Variants in NYAP2 observed in about 807,000 individuals in gnomAD.
The protein encoded by NYAP2 is neuronal tyrosine-phosphorylated phosphoinositide-3-kinase adapter 2.
Under a neutral mutation model 50.4 loss-of-function variants are expected in NYAP2, and 23 were observed. That is an observed-to-expected ratio of 0.46 (90% CI 0.33 to 0.65). The LOEUF is 0.65. Among genes scored for constraint, NYAP2 ranks in the 30% least tolerant of loss-of-function variants. NYAP2 has a pLI of 0.02. For missense variants in NYAP2, 885 were observed against 861.0 expected, an observed-to-expected ratio of 1.03 and a Z score of -0.35; for synonymous variants, 394 against 365.2, an observed-to-expected ratio of 1.08 and a Z score of -0.90.
At chr2:225,617,152 A>C (rs1347710719) in intron 5 of NYAP2, among the ~76,000 whole-genome samples, 4 of 152,198 alleles carry the variant, frequency 2.6e-5, no homozygotes, top group Non-Finnish European at 5.9e-5. Context: ...CAAAAATCAC[A>C]TCAGTGGCTT....
intron 3 of NYAP2, among the ~76,000 whole-genome samples, chr2:225,427,305 G>A (rs750507396): frequency 1.3e-5 from 2 of 152,212 alleles, no homozygotes; most frequent in Non-Finnish European, 2.9e-5. Context: ...GTGATACTAA[G>A]TGAGATACAA....
At chr2:225,434,076 T>C (rs1689328919) in intron 3 of NYAP2, among the ~76,000 whole-genome samples, 3 of 152,180 alleles carry the variant, frequency 2.0e-5, no homozygotes, top group African/African-American at 7.2e-5. Flanking sequence ...TGTGTGAATA[T>C]TGAAGAGAAA....
intron 6 of NYAP2, among the ~76,000 whole-genome samples, chr2:225,637,044 A>AT (rs35369925): frequency 5.9e-5 from 9 of 151,926 alleles, no homozygotes; most frequent in African/African-American, 1.9e-4. Context: ...GTGTTTTGCT[A>AT]TTTTTTTTCC....
At chr2:225,676,656 C>A in the NYAP2 span, among the ~76,000 whole-genome samples, 2 of 152,030 alleles carry the variant, frequency 1.3e-5, no homozygotes, top group Non-Finnish European at 2.9e-5. Flanking sequence ...TTCACTATCA[C>A]GAGAACAGCA....
chr2:225,651,404 T>C, intron 6 of NYAP2, 28 bp from the exon 7 acceptor site: 1 of 1,613,782 alleles, frequency 6.2e-7, no homozygotes, highest in Non-Finnish European at 8.5e-7. Flanking sequence ...AGTCAGCTAA[T>C]ATTGTGTCTT....
intron 3 of NYAP2, among the ~76,000 whole-genome samples, chr2:225,434,352 T>C (rs762341521): frequency 3.3e-5 from 5 of 152,192 alleles, no homozygotes; most frequent in Non-Finnish European, 4.4e-5. Context: ...GAAACAAACC[T>C]ATTTCTTTCA....
intron 5 of NYAP2, among the ~76,000 whole-genome samples, chr2:225,591,547 G>C (rs1692505193): frequency 6.6e-6 from 1 of 152,038 alleles, no homozygotes; most frequent in Non-Finnish European, 1.5e-5. Context: ...TAACCTTCAT[G>C]CCATTTACTC....
chr2:225,693,303 T>C, the NYAP2 span, among the ~76,000 whole-genome samples: 40 of 152,072 alleles, frequency 2.6e-4, no homozygotes, highest in African/African-American at 9.4e-4. Context: ...TTGTAAACTG[T>C]CTCTCAATTT....
chr2:225,489,953 G>A lies in NYAP2; in HGVS notation c.222-23418G>A, dbSNP rs1048131625. Reference sequence around the variant, plus strand: ...TGAGTTACAAGCTCATTTTCCAAAGGGTGTTCATAGTTCTGAGAATCCTGG... The same window carrying A: ...TGAGTTACAAGCTCATTTTCCAAAGAGTGTTCATAGTTCTGAGAATCCTGG... On this transcript the variant is annotated intron_variant, in intron 3 of 6. Coordinates refer to ENST00000636099, the Ensembl canonical transcript of NYAP2. Among the ~76,000 whole-genome samples, 3 of 152,150 alleles carry A rather than the reference G, an allele frequency of 2.0e-5. No individual in the cohort carries two copies. In the South Asian group the frequency reaches 6.2e-4, roughly 32 times the overall value.
the NYAP2 span, among the ~76,000 whole-genome samples, chr2:225,668,943 T>C: frequency 1.3e-5 from 2 of 148,150 alleles, no homozygotes; most frequent in African/African-American, 5.0e-5. Flanking sequence ...TGTGTCCTAA[T>C]TGGTGTCCCC....
chr2:225,473,940 T>G (rs1263637454), intron 3 of NYAP2, among the ~76,000 whole-genome samples: 1 of 152,250 alleles, frequency 6.6e-6, no homozygotes, highest in African/African-American at 2.4e-5. Context: ...TTTATGGTTT[T>G]AGGTCTAACA....
downstream of NYAP2, among the ~76,000 whole-genome samples, chr2:225,654,294 C>T (rs934534348): frequency 2.0e-5 from 3 of 152,068 alleles, no homozygotes; most frequent in African/African-American, 7.2e-5. Context: ...TTCGCAACAC[C>T]AAGACTCCTG....
chr2:225,620,409 G>A (rs368156195), intron 5 of NYAP2, among the ~76,000 whole-genome samples: 2 of 140,104 alleles, frequency 1.4e-5, no homozygotes, highest in Non-Finnish European at 3.2e-5. Flanking sequence ...ACACGCGCAC[G>A]CACACATGCA....
chr2:225,691,055 T>C, the NYAP2 span, among the ~76,000 whole-genome samples: 12 of 152,196 alleles, frequency 7.9e-5, no homozygotes, highest in Non-Finnish European at 1.6e-4. Flanking sequence ...AGTTTTTAGA[T>C]GTTTAATTAA....
chr2:225,488,799 T>G (rs182739190), intron 3 of NYAP2, among the ~76,000 whole-genome samples: 1 of 152,362 alleles, frequency 6.6e-6, no homozygotes, highest in African/African-American at 2.4e-5. Context: ...GGACAGACTT[T>G]AGACAGTTTT....
At chr2:225,539,875 C>T (rs1021351183) in intron 4 of NYAP2, among the ~76,000 whole-genome samples, 1 of 152,136 alleles carries the variant, frequency 6.6e-6, no homozygotes, top group Non-Finnish European at 1.5e-5. Context: ...ATGCTTTTAA[C>T]AGAACCCAAG....
At chr2:225,450,783 G>A (rs1426602730) in intron 3 of NYAP2, among the ~76,000 whole-genome samples, 1 of 152,154 alleles carries the variant, frequency 6.6e-6, no homozygotes, top group Non-Finnish European at 1.5e-5. Flanking sequence ...CCATCTCTCA[G>A]GATTTGTGCA....
chr2:225,653,477 G>A (rs1302062731), exon 7 of NYAP2: 1 of 152,178 alleles, frequency 6.6e-6, no homozygotes, highest in African/African-American at 2.4e-5. Context: ...ATGTAGCAAG[G>A]GAGAAAGCCC....
At chr2:225,484,319 G>A (rs546280639) in intron 3 of NYAP2, among the ~76,000 whole-genome samples, 1 of 152,196 alleles carries the variant, frequency 6.6e-6, no homozygotes, top group Admixed American at 6.5e-5. Context: ...ATGATTAGTT[G>A]ACTTAGCTAG....
Sources: allele counts gnomAD v4.1 joint callset (sites outside exome capture counted in the v4.1 genomes callset), GRCh38; gene constraint gnomAD v4.1.1; transcripts MANE v1.5; gene names NCBI Gene and HGNC (gene_info 2026-07-23, HGNC 2026-07-21).